Variants in RERE observed in about 807,000 individuals in gnomAD.
RERE encodes the protein arginine-glutamic acid dipeptide repeats, also known as arginine-glutamic acid dipeptide repeats protein.
Under a neutral mutation model 146.1 loss-of-function variants are expected in RERE, and 40 were observed. The ratio of observed to expected loss-of-function variants is 0.27; its 90% CI spans 0.21 to 0.36. The LOEUF is 0.36. Among genes scored for constraint, RERE ranks in the 10% least tolerant of loss-of-function variants. RERE has a pLI of 1.00. For missense variants in RERE, 1,933 were observed against 2,138.7 expected (o/e 0.90, Z 1.90); for synonymous variants, 1,003 against 866.0 (o/e 1.16, Z -2.78).
At chr1:8,672,808 C>A (rs944667388) in intron 1 of RERE, among the ~76,000 whole-genome samples, 3 of 151,058 alleles carry the variant, frequency 2.0e-5, no homozygotes, top group Non-Finnish European at 4.4e-5. Flanking sequence ...ACAGCAACAA[C>A]AAAAAAAAAC....
chr1:8,739,140 G>A (rs1640259517), intron 1 of RERE, among the ~76,000 whole-genome samples: 1 of 152,178 alleles, frequency 6.6e-6, no homozygotes, highest in African/African-American at 2.4e-5. Context: ...TGGCAAATAA[G>A]ACCTTGAAAG....
chr1:8,786,994 T>C (rs1641271006), intron 1 of RERE: 1 of 601,822 alleles, frequency 1.7e-6, no homozygotes, highest in South Asian at 2.0e-5. Flanking sequence ...GTGATCTTTA[T>C]AAGACAGAGA....
At chr1:8,813,686 G>C (rs564673768) in intron 1 of RERE, among the ~76,000 whole-genome samples, 6 of 146,936 alleles carry the variant, frequency 4.1e-5, no homozygotes, top group African/African-American at 1.5e-4. Flanking sequence ...GCCAATCTCA[G>C]CTCCCTGCAA....
intron 10 of RERE, among the ~76,000 whole-genome samples, chr1:8,485,323 C>G (rs146989957): frequency 6.6e-6 from 1 of 151,988 alleles, no homozygotes; most frequent in African/African-American, 2.4e-5. Flanking sequence ...ATCGTGCCAT[C>G]GCACTCCAGC....
intron 4 of RERE, among the ~76,000 whole-genome samples, chr1:8,578,187 A>G (rs1001584070): frequency 2.4e-4 from 36 of 152,154 alleles, no homozygotes; most frequent in Admixed American, 2.2e-3. Flanking sequence ...TCTTTTTATC[A>G]TAACATATTT....
At chr1:8,482,514 C>T (rs572396804) in intron 10 of RERE, among the ~76,000 whole-genome samples, 67 of 151,334 alleles carry the variant, frequency 4.4e-4, no homozygotes, top group African/African-American at 1.6e-3. Context: ...ACCCCGTCTA[C>T]TAAAAATACA....
At chr1:8,624,607 T>G (rs1012857436) in intron 2 of RERE, among the ~76,000 whole-genome samples, 1 of 152,190 alleles carries the variant, frequency 6.6e-6, no homozygotes, top group African/African-American at 2.4e-5. Context: ...TGATGAAGCC[T>G]AAATTATTTT....
intron 12 of RERE, among the ~76,000 whole-genome samples, chr1:8,366,691 G>A (rs1641815659): frequency 6.6e-6 from 1 of 152,156 alleles, no homozygotes; most frequent in South Asian, 2.1e-4. Context: ...ATGCAAAGGT[G>A]AAATATCACA....
chr1:8,513,629 A>G (rs1213322404), intron 7 of RERE, among the ~76,000 whole-genome samples: 1 of 152,114 alleles, frequency 6.6e-6, no homozygotes. Context: ...AAATACAAAA[A>G]ATTAGCCGGG....
intron 12 of RERE, 101 bp downstream of exon 12, chr1:8,422,626 C>T (rs946004786): frequency 7.0e-6 from 6 of 855,288 alleles, no homozygotes; most frequent in Non-Finnish European, 9.8e-6. Flanking sequence ...AGTCTGAGCA[C>T]AGCGCAGGGT....
chr1:8,416,413 C>T (rs994360989), intron 12 of RERE, among the ~76,000 whole-genome samples: 26 of 151,776 alleles, frequency 1.7e-4, no homozygotes, highest in African/African-American at 3.4e-4. Flanking sequence ...GTGAAAACCC[C>T]GTCTCTACTA....
At chr1:8,591,180 C>T (rs554157563) in intron 4 of RERE, among the ~76,000 whole-genome samples, 2 of 152,226 alleles carry the variant, frequency 1.3e-5, no homozygotes, top group Non-Finnish European at 2.9e-5. Context: ...CACGGGGCAA[C>T]AAGAAAGTAA....
At chr1:8,731,778 T>G (rs982206096) in intron 1 of RERE, among the ~76,000 whole-genome samples, 1 of 49,112 alleles carries the variant, frequency 2.0e-5, no homozygotes, top group Non-Finnish European at 4.1e-5. Flanking sequence ...AACATAATGT[T>G]TTTTTGTTTG....
At chr1:8,686,312 T>C (rs1037764806) in intron 1 of RERE, among the ~76,000 whole-genome samples, 10 of 152,148 alleles carry the variant, frequency 6.6e-5, no homozygotes, top group African/African-American at 2.4e-4. Flanking sequence ...AAGCCATGCA[T>C]CCTAGGGAAT....
intron 8 of RERE, among the ~76,000 whole-genome samples, chr1:8,507,938 C>A (rs1375282895): frequency 6.6e-6 from 1 of 151,958 alleles, no homozygotes; most frequent in African/African-American, 2.4e-5. Context: ...TGGGATTTGC[C>A]ATGTTGGCCA....
intron 22 of RERE, 23 bp from the exon 23 acceptor site, chr1:8,355,143 C>T (rs773636560): frequency 9.3e-6 from 15 of 1,613,160 alleles, no homozygotes; most frequent in Middle Eastern, 1.7e-4. Context: ...AACAGGAAAG[C>T]GTATTTAGTC....
chr1:8,590,048 C>T (rs1646474066), intron 4 of RERE, among the ~76,000 whole-genome samples: 1 of 152,134 alleles, frequency 6.6e-6, no homozygotes, highest in African/African-American at 2.4e-5. Flanking sequence ...TCCTAATCAG[C>T]ACCACCTCAG....
intron 1 of RERE, among the ~76,000 whole-genome samples, chr1:8,768,429 A>G (rs1640886668): frequency 1.3e-5 from 2 of 152,216 alleles, no homozygotes; most frequent in Non-Finnish European, 2.9e-5. Context: ...TTAAGTCAGA[A>G]TTCTAGACGA....
rs1644644901 is a variant in RERE, at chr1:8,469,075, AAAT to A, written c.1105-3055_1105-3053del. ...ATTTTGACATCTTTAAAAATGGATA[AAAT>A]AATAACATCAACCTCTTAGCGACAT... On this transcript the variant is annotated intron_variant, in intron 10 of 22. Coordinates refer to ENST00000400908, the MANE Select transcript of RERE (RefSeq NM_001042681.2). Among the ~76,000 whole-genome samples the A allele has an allele frequency of 4.6e-5, 7 of 152,236 alleles. No individual in the cohort carries two copies. The South Asian group carries it at 1.2e-3, about 27-fold the overall frequency.
Sources: gnomAD v4.1 joint callset for allele counts (sites outside exome capture counted in the v4.1 genomes callset) on GRCh38, gnomAD v4.1.1 for gene constraint, MANE v1.5 for transcripts, NCBI Gene and HGNC (gene_info 2026-07-23, HGNC 2026-07-21) for gene names.